The following XYLT1 variants were observed in gnomAD, a reference collection of about 807,000 sequenced individuals.
XYLT1 encodes xylosyltransferase 1.
A neutral mutation model predicts 91.3 loss-of-function variants in XYLT1; 36 were observed. The ratio of observed to expected loss-of-function variants is 0.39; its 90% confidence interval spans 0.30 to 0.52. The LOEUF (loss-of-function observed/expected upper bound fraction) is 0.52. Among genes scored for constraint, XYLT1 ranks in the 20% least tolerant of loss-of-function variants. The pLI is 0.68. For synonymous variants in XYLT1, 588 were observed against 532.0 expected (o/e 1.11, Z -1.45); for missense variants, 1,242 against 1,284.5 (o/e 0.97, Z 0.51).
At chr16:17,243,011 A>T (rs750081353) in intron 3 of XYLT1, among the ~76,000 whole-genome samples, 4 of 152,206 alleles carry the variant, frequency 2.6e-5, no homozygotes, top group Middle Eastern at 6.8e-3. Context: ...TTATCCTTTC[A>T]TCTGTTCATG....
Position 17,127,668 on chromosome 16 carries a change from C to A in XYLT1, c.2221G>T (p.Glu741Ter). Residue 741 changes from glutamate (E) to a stop codon, truncating the protein, a stop_gained and splice_region_variant, in exon 10 of 12, where the codon GAG becomes TAG. Transcript: ENST00000261381. LOFTEE classifies it high-confidence loss of function. ...PSDFGRLQFS[E>*]VGTDWDAKER... ...TGTGACAAGACCTGGCCTCTTACCT[C>A]GGAAAACTGAAGCCTCCCAAAGTCA... 1.2e-6 allele frequency: 2 copies of A among 1,613,056 alleles called. No individual in the cohort carries two copies. The highest frequency in any genetic ancestry group is 1.7e-6 in the Non-Finnish European group (2 of 1,179,650).
In XYLT1 at chr16:17,108,828, G is replaced by A; in HGVS notation, c.2747C>T (p.Ala916Val). The stretch of plus-strand genomic sequence containing the variant: ...GGGGCCCGTGGCACAGATGTCCATG[G>A]CAGTCCACATCCCGCCCACCAACGA... The part of the protein sequence containing the change: ...LDSLVGGMWT[A>V]MDICATGPTA... The change falls in exon 12 of 12, where the codon GCC becomes GTC. Residue 916 changes from alanine (A) to valine (V), a missense_variant. By Grantham distance (64) the Ala-to-Val change is moderately conservative. This residue lies in a region of XYLT1 where 511 missense variants were observed against 497.0 expected (regional missense o/e 1.03). Transcript: ENST00000261381. 2 of 1,612,734 alleles carry A rather than the reference G, an allele frequency of 1.2e-6. No homozygotes were observed. The highest frequency in any genetic ancestry group is 2.2e-5 in the South Asian group (2 of 91,050).
At chr16:17,428,916 T>C (rs944940755) in intron 1 of XYLT1, among the ~76,000 whole-genome samples, 2 of 152,102 alleles carry the variant, frequency 1.3e-5, no homozygotes, top group African/African-American at 4.8e-5. Context: ...ACCTGCAGGG[T>C]CAATGGATGA....
chr16:17,111,177 A>G (rs1966840053), intron 11 of XYLT1, among the ~76,000 whole-genome samples: 1 of 152,154 alleles, frequency 6.6e-6, no homozygotes, highest in African/African-American at 2.4e-5. Flanking sequence ...AATTTTAAAA[A>G]TTGCAACCTC....
chr16:17,395,876 T>G (rs563639746), intron 1 of XYLT1, among the ~76,000 whole-genome samples: 2 of 152,192 alleles, frequency 1.3e-5, no homozygotes, highest in Non-Finnish European at 2.9e-5. Context: ...CATCTGTTGG[T>G]TGGTGAACAG....
chr16:17,411,388 A>G, intron 1 of XYLT1, among the ~76,000 whole-genome samples: 1 of 152,210 alleles, frequency 6.6e-6, no homozygotes, highest in East Asian at 1.9e-4. Flanking sequence ...AATTAATTAT[A>G]TCTAAATTTC....
rs146846968 is a variant in XYLT1 at position 17,297,406 on chromosome 16, C to T, written c.403-37908G>A. Among the ~76,000 whole-genome samples the T allele has an allele frequency of 9.6e-3, 1,463 of 152,062 alleles. 27 individuals carry two copies. Among genetic ancestry groups the T allele is most frequent in the African/African-American group, 0.033 (1,369 of 41,482 alleles). On this transcript the variant is annotated intron_variant, in intron 2 of 11. Transcript: ENST00000261381. The stretch of plus-strand genomic sequence containing the variant: ...ACAAAGTGAGACCCGCCCCCACCGA[C>T]GGTGTCTCTAGGAAAAGTAAAAAAC...
chr16:17,314,221 G>T (rs1596477474), intron 2 of XYLT1, among the ~76,000 whole-genome samples: 1 of 152,204 alleles, frequency 6.6e-6, no homozygotes, highest in Non-Finnish European at 1.5e-5. Flanking sequence ...GGCCCCTTGT[G>T]TGTGGCCCTT....
At chr16:17,131,392 C>A (rs767955161) in intron 9 of XYLT1, among the ~76,000 whole-genome samples, 1 of 152,154 alleles carries the variant, frequency 6.6e-6, no homozygotes, top group African/African-American at 2.4e-5. Flanking sequence ...GTTTTTCTTT[C>A]TTATTTAAAT....
chr16:17,363,355 G>T (rs1294474179), intron 1 of XYLT1, among the ~76,000 whole-genome samples: 6 of 152,290 alleles, frequency 3.9e-5, no homozygotes, highest in African/African-American at 1.4e-4. Flanking sequence ...AGGTGAGGTG[G>T]CTTAAACAAC....
intron 1 of XYLT1, among the ~76,000 whole-genome samples, chr16:17,455,664 A>C (rs1400192568): frequency 2.0e-5 from 3 of 152,200 alleles, no homozygotes; most frequent in Admixed American, 2.0e-4. Context: ...TATTGTGTTT[A>C]CTTCCAGGGT....
chr16:17,119,037 T>TATCA (rs1252868580), intron 10 of XYLT1, among the ~76,000 whole-genome samples: 3 of 152,218 alleles, frequency 2.0e-5, no homozygotes, highest in Admixed American at 6.5e-5. Context: ...ATTTTCTTCC[T>TATCA]ATCAGTGGTG....
At chr16:17,238,596 A>G (rs896476434) in intron 3 of XYLT1, among the ~76,000 whole-genome samples, 3 of 152,208 alleles carry the variant, frequency 2.0e-5, no homozygotes, top group African/African-American at 7.2e-5. Flanking sequence ...TCGGACCCCA[A>G]TAAGGGAAAA....
At chr16:17,290,149 G>A (rs2034199976) in intron 2 of XYLT1, among the ~76,000 whole-genome samples, 1 of 152,218 alleles carries the variant, frequency 6.6e-6, no homozygotes, top group Admixed American at 6.5e-5. Context: ...AAGAAAAAGA[G>A]GTAGACTTGA....
At chr16:17,355,621 A>T (rs780330304) in intron 2 of XYLT1, among the ~76,000 whole-genome samples, 1 of 152,122 alleles carries the variant, frequency 6.6e-6, no homozygotes. Context: ...TGTGCAAAAA[A>T]ATATATAACT....
At chr16:17,202,968 A>G (rs1193730479) in intron 3 of XYLT1, among the ~76,000 whole-genome samples, 1 of 152,036 alleles carries the variant, frequency 6.6e-6, no homozygotes, top group Non-Finnish European at 1.5e-5. Flanking sequence ...AGATAATTTA[A>G]TCCTCGTAAT....
chr16:17,366,641 GC>G (rs980103687), intron 1 of XYLT1, among the ~76,000 whole-genome samples: 1 of 152,210 alleles, frequency 6.6e-6, no homozygotes, highest in African/African-American at 2.4e-5. Context: ...GCTGCAGTGA[GC>G]CAAGATAGTG....
Position 17,277,481 on chromosome 16 carries a change from CG to C in XYLT1, c.403-17984del, listed in dbSNP as rs551027232. 4.4e-3 allele frequency among the ~76,000 whole-genome samples: 664 copies of C among 152,168 alleles called. 1 individual carries two copies. Among genetic ancestry groups the C allele is most frequent in the Non-Finnish European group, 7.9e-3 (534 of 68,000 alleles). On this transcript the variant is annotated intron_variant, in intron 2 of 11. Coordinates refer to ENST00000261381, the MANE Select transcript of XYLT1 (RefSeq NM_022166.4). ...CTCCAATCACTGCAACCTCTGCCTCCGGGGTTCAAGAGATTCTCCTGCCTCA... is the reference window on the plus strand; with the variant it reads ...CTCCAATCACTGCAACCTCTGCCTCCGGGTTCAAGAGATTCTCCTGCCTCA...
At chr16:17,206,759 A>C (rs746117662) in intron 3 of XYLT1, among the ~76,000 whole-genome samples, 2 of 152,072 alleles carry the variant, frequency 1.3e-5, no homozygotes, top group African/African-American at 2.4e-5. Flanking sequence ...ATCAGAAATA[A>C]ACAAACACTC....
Sources: gnomAD v4.1 joint callset for allele counts (sites outside exome capture counted in the v4.1 genomes callset) on GRCh38, gnomAD v4.1.1 for gene constraint, gnomAD v4.1.1 regional missense constraint, MANE v1.5 for transcripts, NCBI Gene and HGNC (gene_info 2026-07-23, HGNC 2026-07-21) for gene names.